PCDHGB6: variants seen among roughly 807,000 people sequenced by gnomAD.
PCDHGB6 encodes the protein protocadherin gamma subfamily B, 6.
A neutral mutation model predicts 59.1 loss-of-function variants in PCDHGB6; 51 were observed. The observed-to-expected ratio is 0.86, with a 90% CI of 0.69 to 1.09. The LOEUF (loss-of-function observed/expected upper bound fraction) is 1.09. Among genes scored for constraint, PCDHGB6 ranks in the 50% least tolerant of loss-of-function variants. The probability of loss-of-function intolerance (pLI) is 0.00; values close to 1 mark genes in which losing one functional copy is unlikely to be tolerated. For missense variants in PCDHGB6, 1,148 were observed against 1,205.1 expected, an observed-to-expected ratio of 0.95 and a Z score of 0.70; for synonymous variants, 466 against 495.1, an observed-to-expected ratio of 0.94 and a Z score of 0.78.
At chr5:141,430,985 G>T (rs773308629) in intron 1 of PCDHGB6, 4 of 1,613,780 alleles carry the variant, frequency 2.5e-6, no homozygotes, top group Non-Finnish European at 3.4e-6. Flanking sequence ...GCAGCTTTTC[G>T]CCCTGAATCC....
intron 1 of PCDHGB6, among the ~76,000 whole-genome samples, chr5:141,462,479 GGTT>G (rs1329069527): frequency 6.6e-6 from 1 of 151,838 alleles, no homozygotes; most frequent in Non-Finnish European, 1.5e-5. Flanking sequence ...TGCTTCTCGT[GGTT>G]GTTGTATCCT....
intron 1 of PCDHGB6, among the ~76,000 whole-genome samples, chr5:141,484,740 GA>G (rs1047805396): frequency 6.6e-6 from 1 of 150,760 alleles, no homozygotes; most frequent in Non-Finnish European, 1.5e-5. Context: ...GGTGTGTTAG[GA>G]AAAAAAATGT....
At chr5:141,419,331 T>G (rs2096361475) in intron 1 of PCDHGB6, 2 of 1,613,840 alleles carry the variant, frequency 1.2e-6, no homozygotes, top group Non-Finnish European at 8.5e-7. Flanking sequence ...TCCTACTCTC[T>G]CATTGCCAGC....
intron 1 of PCDHGB6, chr5:141,413,929 C>T (rs2095693828): frequency 6.2e-7 from 1 of 1,613,342 alleles, no homozygotes; most frequent in South Asian, 1.1e-5. Context: ...GCCAGAATAC[C>T]GAGTGAGTGT....
At position 141,489,369 on chromosome 5, in the gene PCDHGB6, G is replaced by T; in HGVS notation, c.2419-5438G>T. ...TGGTGGAGGAGTCTGAGCCGGGGAC[G>T]CTGGTGGGGAATGTTGCTCAGGATC... On this transcript the variant is annotated intron_variant, in intron 1 of 3. Coordinates refer to ENST00000520790, the MANE Select transcript of PCDHGB6 (RefSeq NM_018926.3). This position sits in a 1 kb window ranked among gnomAD's most constrained non-coding sequence, Gnocchi z 4.5. 6.2e-7 allele frequency: 1 copy of T among 1,613,592 alleles called. No homozygotes were observed.
Position 141,408,675 on chromosome 5 carries a change from CG to C in PCDHGB6, c.475del (p.Asp159IlefsTer4), listed in dbSNP as rs757230674. ...AGTRLSLDPATDPDININSIK... is the reference protein window; with the variant it reads ...AGTRLSLDPAXDPDININSIK... ...ACACGACTATCGCTTGACCCTGCCA[CG>C]GATCCTGATATAAACATAAACTCAA... is the stretch of plus-strand genomic sequence containing the variant. On this transcript the variant is annotated frameshift_variant, in exon 1 of 4. Transcript: ENST00000520790. LOFTEE classifies it high-confidence loss of function. The C allele has an allele frequency of 2.3e-5, 37 of 1,613,832 alleles. No homozygotes were observed. The highest frequency in any genetic ancestry group is 3.1e-5 in the Non-Finnish European group (37 of 1,179,880).
chr5:141,420,744 C>T (rs1202150921), intron 1 of PCDHGB6, among the ~76,000 whole-genome samples: 8 of 152,194 alleles, frequency 5.3e-5, no homozygotes, highest in Admixed American at 5.2e-4. Context: ...TCAATTGGAA[C>T]CAACTACAAC....
At position 141,413,561 on chromosome 5, in the gene PCDHGB6, AT is replaced by A. The variant is rs1363955348; in HGVS notation, c.2418+2942del. The stretch of plus-strand genomic sequence containing the variant: ...TTTGGGATAGAAATAGAAGTAACTG[AT>A]ATCAATGACAATGCTCCAAAATTCC... On this transcript the variant is annotated intron_variant, in intron 1 of 3. Coordinates refer to ENST00000520790, the MANE Select transcript of PCDHGB6 (RefSeq NM_018926.3). The A allele has an allele frequency of 6.2e-6, 10 of 1,613,806 alleles. No individual in the cohort carries two copies. In the Admixed American group the frequency reaches 1.3e-4, roughly 22 times the overall value.
intron 1 of PCDHGB6, chr5:141,484,911 T>G (rs2154580253): frequency 9.3e-6 from 4 of 432,018 alleles, no homozygotes; most frequent in South Asian, 3.3e-5. Context: ...CTGCGACGCA[T>G]TAACCCTGCT....
At chr5:141,501,881 C>T (rs1396427606) in intron 2 of PCDHGB6, among the ~76,000 whole-genome samples, 1 of 152,124 alleles carries the variant, frequency 6.6e-6, no homozygotes, top group East Asian at 1.9e-4. Context: ...CCTTACACTC[C>T]TGATCATCAT....
chr5:141,472,145 A>C (rs1376068421), intron 1 of PCDHGB6, among the ~76,000 whole-genome samples: 1 of 152,244 alleles, frequency 6.6e-6, no homozygotes, highest in Non-Finnish European at 1.5e-5. Context: ...TAAAAGTTTC[A>C]TGGTTACATA....
intron 1 of PCDHGB6, among the ~76,000 whole-genome samples, chr5:141,480,098 T>C (rs1415853757): frequency 6.6e-6 from 1 of 152,168 alleles, no homozygotes. Context: ...GTATGCAAAG[T>C]GTTTAGCATG....
chr5:141,489,636 C>A lies in PCDHGB6; in HGVS notation c.2419-5171C>A, dbSNP rs753380268. 3.8e-5 allele frequency: 62 copies of A among 1,614,074 alleles called. No individual in the cohort carries two copies. The highest frequency in any genetic ancestry group is 5.1e-5 in the Non-Finnish European group (60 of 1,180,038). ...TGGATCTCAATGACAACTCTCCTAG[C>A]TTTGCCACCCCTGAGCGAGAGATGC... is the stretch of plus-strand genomic sequence containing the variant. On this transcript the variant is annotated intron_variant, in intron 1 of 3. Coordinates refer to ENST00000520790, the MANE Select transcript of PCDHGB6 (RefSeq NM_018926.3). The surrounding 1 kb of genome is among the most constrained non-coding windows in gnomAD (Gnocchi z 4.5).
chr5:141,413,725 C>A, intron 1 of PCDHGB6: 1 of 1,613,546 alleles, frequency 6.2e-7, no homozygotes, highest in Non-Finnish European at 8.5e-7. Flanking sequence ...GCACTTCTCC[C>A]TAAGAGTTCA....
chr5:141,489,166 C>A lies in PCDHGB6; in HGVS notation c.2419-5641C>A. The A allele has an allele frequency of 9.1e-7, 1 of 1,099,536 alleles. No individual in the cohort carries two copies. The highest frequency in any genetic ancestry group is 1.3e-6 in the Non-Finnish European group (1 of 761,554). The allele number at this position is 1,099,536 out of a possible 1,614,324, so 68.1% of individuals were successfully genotyped here. ...AAGGAGACATAAGAGACTTCAGCTGCTGCATTCCAAGCCCTGGGTCTACCT... is the reference window on the plus strand; with the variant it reads ...AAGGAGACATAAGAGACTTCAGCTGATGCATTCCAAGCCCTGGGTCTACCT... On this transcript the variant is annotated intron_variant, in intron 1 of 3. Transcript: ENST00000520790. This position sits in a 1 kb window ranked among gnomAD's most constrained non-coding sequence, Gnocchi z 4.5.
chr5:141,416,412 A>G (rs1391280535), intron 1 of PCDHGB6: 1 of 152,182 alleles, frequency 6.6e-6, no homozygotes, highest in Non-Finnish European at 1.5e-5. Flanking sequence ...TTTTTGTTAA[A>G]TTTTCTAGTG....
intron 1 of PCDHGB6, among the ~76,000 whole-genome samples, chr5:141,453,076 G>A (rs2098755408): frequency 1.3e-5 from 2 of 151,984 alleles, no homozygotes; most frequent in Admixed American, 6.6e-5. Flanking sequence ...CCACACTCTG[G>A]TTGATTAGTA....
chr5:141,482,574 A>C (rs1294997781), intron 1 of PCDHGB6, among the ~76,000 whole-genome samples: 2 of 151,592 alleles, frequency 1.3e-5, no homozygotes, highest in Non-Finnish European at 2.9e-5. Context: ...GCATAGCATA[A>C]GATGCAGTGG....
At chr5:141,414,310 G>A in intron 1 of PCDHGB6, 1 of 1,613,722 alleles carries the variant, frequency 6.2e-7, no homozygotes, top group South Asian at 1.1e-5. Context: ...GCATGATTTA[G>A]ACTCTGAGCA....
Sources: gnomAD v4.1 joint callset for allele counts (sites outside exome capture counted in the v4.1 genomes callset) on GRCh38, gnomAD v4.1.1 for gene constraint, Gnocchi (gnomAD v3.1) non-coding constraint, MANE v1.5 for transcripts, NCBI Gene and HGNC (gene_info 2026-07-23, HGNC 2026-07-21) for gene names.